SEC24A: variants seen among roughly 807,000 people sequenced by gnomAD.
SEC24A encodes SEC24 homolog A, COPII component, also known as protein transport protein Sec24A.
SEC24A carries 93 observed loss-of-function variants against 129.4 expected under a neutral mutation model. That is an observed-to-expected ratio of 0.72 (90% CI 0.61 to 0.85). The LOEUF (loss-of-function observed/expected upper bound fraction) is 0.85, where lower values mean the gene tolerates loss of function less well. Ranked by LOEUF, SEC24A falls within the 40% of genes least tolerant of loss-of-function variation. The pLI is 0.00. For synonymous variants in SEC24A, 460 were observed against 467.3 expected (o/e 0.98, Z 0.20); for missense variants, 1,264 against 1,307.4 (o/e 0.97, Z 0.51).
At chr5:134,704,063 T>C (rs1367706469) in intron 16 of SEC24A, 131 bp downstream of exon 16, 2 of 375,854 alleles carry the variant, frequency 5.3e-6, no homozygotes, top group African/African-American at 4.2e-5. Flanking sequence ...TTTATTTATT[T>C]ATTTATTTAT....
At chr5:134,698,982 G>T (rs1267555301) in intron 15 of SEC24A, among the ~76,000 whole-genome samples, 1 of 152,066 alleles carries the variant, frequency 6.6e-6, no homozygotes, top group Non-Finnish European at 1.5e-5. Context: ...CTGGAGTGCA[G>T]TGGTGCAATC....
rs755797068 is a variant in SEC24A, at chr5:134,725,532, T to C, written c.*438T>C. On this transcript the variant is annotated 3_prime_UTR_variant, in exon 23 of 23. Transcript: ENST00000398844. ...TACAAATTGATTGGTAGTGATGTTT[T>C]TAAAATAAAAACAATGGAAAGTAAA... 2.0e-5 allele frequency: 3 copies of C among 152,868 alleles called. No individual in the cohort carries two copies. Among genetic ancestry groups the C allele is most frequent in the Non-Finnish European group, 2.9e-5 (2 of 68,264 alleles). 9.5% of individuals were successfully genotyped at this position (152,868 alleles called of 1,614,324 possible). A position where few individuals can be genotyped will look rare whatever the true frequency, so the allele number is the denominator to read the frequency against.
At chr5:134,673,773 A>G (rs1395524214) in intron 4 of SEC24A, among the ~76,000 whole-genome samples, 2 of 152,166 alleles carry the variant, frequency 1.3e-5, no homozygotes, top group Non-Finnish European at 2.9e-5. Context: ...ATGAAAGTAA[A>G]TTAACTGTGC....
chr5:134,679,859 A>G (rs1054062450), intron 8 of SEC24A, 131 bp downstream of exon 8: 17 of 495,212 alleles, frequency 3.4e-5, no homozygotes, highest in Non-Finnish European at 5.0e-5. Context: ...CTCAGAGAAA[A>G]CTACAGGTAA....
chr5:134,698,045 C>T lies in SEC24A; in HGVS notation c.2254C>T (p.Arg752Trp), dbSNP rs375049852. The stretch of plus-strand genomic sequence containing the variant: ...TGGCTTTGAGGCAGTCATGAGGATT[C>T]GGTGCACCAAAGGTAGGAATATTTT... ...KIGFEAVMRI[R>W]CTKGLSIHTF... Residue 752 changes from arginine to tryptophan, a missense_variant, in exon 15 of 23, where the codon CGG becomes TGG. Arg to Trp is a moderately radical substitution (Grantham distance 101). Coordinates refer to ENST00000398844, the MANE Select transcript of SEC24A (RefSeq NM_021982.3). 2.1e-5 allele frequency: 34 copies of T among 1,606,164 alleles called. 1 individual carries two copies. Among genetic ancestry groups the T allele is most frequent in the African/African-American group, 2.7e-5 (2 of 74,376 alleles).
At position 134,725,568 on chromosome 5, in the gene SEC24A, G is replaced by A. The variant is rs1267968424; in HGVS notation, c.*474G>A. The A allele has an allele frequency of 6.6e-6, 1 of 152,286 alleles. No homozygotes were observed. Among genetic ancestry groups the A allele is most frequent in the Non-Finnish European group, 1.5e-5 (1 of 68,034 alleles). 9.4% of individuals were successfully genotyped at this position (152,286 alleles called of 1,614,324 possible). On this transcript the variant is annotated 3_prime_UTR_variant, in exon 23 of 23. Transcript: ENST00000398844. ...ACAATGGAAAGTAAATATAATGTAG[G>A]AAAACTAGAATTCATTCCCCACACG...
At chr5:134,711,503 G>A (rs921505573) in intron 18 of SEC24A, among the ~76,000 whole-genome samples, 4 of 150,928 alleles carry the variant, frequency 2.7e-5, no homozygotes, top group African/African-American at 9.7e-5. Context: ...ACAACATAGT[G>A]AGATTCTACC....
chr5:134,677,490 A>G, intron 7 of SEC24A, among the ~76,000 whole-genome samples: 1 of 148,874 alleles, frequency 6.7e-6, no homozygotes. Context: ...TTTTTTAAGA[A>G]GCAGAGTCTT....
intron 19 of SEC24A, 122 bp downstream of exon 19, chr5:134,715,283 A>AT (rs1752444586): frequency 2.2e-6 from 2 of 912,028 alleles, no homozygotes; most frequent in Non-Finnish European, 3.2e-6. Context: ...TTATTTATTT[A>AT]TTTTTTTGGC....
intron 18 of SEC24A, among the ~76,000 whole-genome samples, chr5:134,714,689 C>T (rs1386224267): frequency 6.6e-6 from 1 of 152,194 alleles, no homozygotes; most frequent in Non-Finnish European, 1.5e-5. Context: ...TAACTTCATC[C>T]TTCCTATGGT....
intron 15 of SEC24A, among the ~76,000 whole-genome samples, chr5:134,701,446 G>T (rs75272549): frequency 3.4e-4 from 51 of 151,782 alleles, no homozygotes; most frequent in African/African-American, 1.2e-3. Context: ...CAAGACAGAG[G>T]CTATTTTTAT....
At chr5:134,674,946 C>T in intron 5 of SEC24A, 99 bp from the exon 6 acceptor site, 1 of 1,183,032 alleles carries the variant, frequency 8.5e-7, no homozygotes, top group Admixed American at 2.8e-5. Context: ...AAAAGATTGG[C>T]CAAGAGATCT....
At chr5:134,650,909 G>C (rs1363673551) in intron 1 of SEC24A, among the ~76,000 whole-genome samples, 4 of 151,644 alleles carry the variant, frequency 2.6e-5, no homozygotes, top group African/African-American at 9.7e-5. Context: ...GAAGTAGCTG[G>C]GATTACAGGC....
Position 134,726,754 on chromosome 5 carries a change from T to C in SEC24A, c.*1660T>C, listed in dbSNP as rs1206513318. ...TTTTAAAGAAACAGTCGTTATATGC[T>C]GATGTTTCTTAAAATAACTAAAATG... is the stretch of plus-strand genomic sequence containing the variant. On this transcript the variant is annotated 3_prime_UTR_variant, in exon 23 of 23. Coordinates refer to ENST00000398844, the MANE Select transcript of SEC24A (RefSeq NM_021982.3). 1.3e-5 allele frequency: 2 copies of C among 152,174 alleles called. No homozygotes were observed. Among genetic ancestry groups the C allele is most frequent in the Non-Finnish European group, 2.9e-5 (2 of 68,008 alleles). The allele number at this position is 152,174 out of a possible 1,614,324, so 9.4% of individuals were successfully genotyped here.
At position 134,719,179 on chromosome 5, in the gene SEC24A, C is replaced by T. The variant is rs534336569; in HGVS notation, c.2970+1006C>T. On this transcript the variant is annotated intron_variant, in intron 20 of 22. Transcript: ENST00000398844. Reference sequence around the variant, plus strand: ...GGCGGATTGCTTGAGGTCAGGAATTCGAGACCAGCCGGGGCAACATGGTGA... The same window carrying T: ...GGCGGATTGCTTGAGGTCAGGAATTTGAGACCAGCCGGGGCAACATGGTGA... Among the ~76,000 whole-genome samples, 4 of 152,080 alleles carry T rather than the reference C, an allele frequency of 2.6e-5. No homozygotes were observed. The South Asian group carries it at 6.2e-4, about 24-fold the overall frequency.
rs549281427 is a variant in SEC24A, at chr5:134,672,181, CTTTTTGTTTTTG to C, written c.817+307_817+318del. Among the ~76,000 whole-genome samples, 211 of 151,520 alleles carry C rather than the reference CTTTTTGTTTTTG, an allele frequency of 1.4e-3. 3 individuals are homozygous for C. In the South Asian group the frequency reaches 0.042, roughly 30 times the overall value. On this transcript the variant is annotated intron_variant, in intron 4 of 22. Transcript: ENST00000398844. ...CATAGCCACGTGTCACCATGCCCAG[CTTTTTGTTTTTG>C]TTTTTGTTTTTTGAGACTGAGTCTC...
intron 21 of SEC24A, among the ~76,000 whole-genome samples, chr5:134,721,346 C>T (rs1370514849): frequency 2.0e-5 from 3 of 150,718 alleles, no homozygotes; most frequent in Non-Finnish European, 2.9e-5. Context: ...GGGCTGATCA[C>T]GAGGTCAAGA....
chr5:134,687,872 A>G (rs1013461921), intron 10 of SEC24A, among the ~76,000 whole-genome samples: 9 of 152,202 alleles, frequency 5.9e-5, no homozygotes, highest in African/African-American at 2.2e-4. Context: ...GCAAAATTTC[A>G]TTAATACTTT....
chr5:134,674,792 T>G lies in SEC24A; in HGVS notation c.978+17T>G, dbSNP rs2150082533. On this transcript the variant is annotated intron_variant, in intron 5 of 22. Transcript: ENST00000398844. ...TTTACTCAGGTAAACTTTTTGGGATTTTCTTTAACCTATTTCTCCATTTGG... is the reference window on the plus strand; with the variant it reads ...TTTACTCAGGTAAACTTTTTGGGATGTTCTTTAACCTATTTCTCCATTTGG... 6.2e-7 allele frequency: 1 copy of G among 1,608,702 alleles called. No individual in the cohort carries two copies. Among genetic ancestry groups the G allele is most frequent in the African/African-American group, 1.3e-5 (1 of 74,804 alleles).
Sources: allele counts gnomAD v4.1 joint callset (sites outside exome capture counted in the v4.1 genomes callset), GRCh38; gene constraint gnomAD v4.1.1; transcripts MANE v1.5; gene names NCBI Gene and HGNC (gene_info 2026-07-23, HGNC 2026-07-21).